NXPH1: variants seen among roughly 807,000 people sequenced by gnomAD.
The protein encoded by NXPH1 is neurexophilin 1.
NXPH1 carries 5 observed loss-of-function variants against 23.7 expected under a neutral mutation model. That is an observed-to-expected ratio of 0.21 (90% CI 0.11 to 0.44). The LOEUF (loss-of-function observed/expected upper bound fraction) is 0.44, where lower values mean the gene tolerates loss of function less well. NXPH1 is among the 20% of genes least tolerant of loss of function. The pLI is 0.99. For synonymous variants in NXPH1, 144 were observed against 122.2 expected (o/e 1.18, Z -1.18); for missense variants, 324 against 321.6 (o/e 1.01, Z -0.06).
intron 2 of NXPH1, among the ~76,000 whole-genome samples, chr7:8,663,410 C>G (rs1820710539): frequency 6.6e-6 from 1 of 151,976 alleles, no homozygotes; most frequent in South Asian, 2.1e-4. Context: ...TCTGCCTAGC[C>G]CCATTGTAGA....
chr7:8,611,783 T>A (rs555878843), intron 2 of NXPH1, among the ~76,000 whole-genome samples: 1 of 152,206 alleles, frequency 6.6e-6, no homozygotes, highest in African/African-American at 2.4e-5. Flanking sequence ...AGGTAGTAGG[T>A]GCATCTATCC....
At chr7:8,460,666 G>C (rs10246412) in intron 2 of NXPH1, among the ~76,000 whole-genome samples, 13,116 of 152,196 alleles carry the variant, frequency 0.086, 1,670 homozygotes, top group African/African-American at 0.28. Context: ...AGCCAACAGT[G>C]TTTTGAATGG....
chr7:8,446,458 T>C (rs1816405394), intron 2 of NXPH1, among the ~76,000 whole-genome samples: 1 of 152,244 alleles, frequency 6.6e-6, no homozygotes, highest in Admixed American at 6.5e-5. Context: ...TGCTTTATTA[T>C]TTTGCTTAAA....
intron 2 of NXPH1, among the ~76,000 whole-genome samples, chr7:8,697,125 T>A (rs1779540951): frequency 7.3e-6 from 1 of 136,308 alleles, no homozygotes. Flanking sequence ...GCCACTGCAC[T>A]CCAGTCTGGG....
At chr7:8,467,348 C>G (rs1333325625) in intron 2 of NXPH1, among the ~76,000 whole-genome samples, 1 of 152,148 alleles carries the variant, frequency 6.6e-6, no homozygotes, top group Non-Finnish European at 1.5e-5. Flanking sequence ...TTCTGGAATT[C>G]TCCCTAAGGT....
chr7:8,646,287 G>A (rs1013841669), intron 2 of NXPH1, among the ~76,000 whole-genome samples: 1 of 152,068 alleles, frequency 6.6e-6, no homozygotes, highest in Non-Finnish European at 1.5e-5. Context: ...AACTCTCCGT[G>A]AGTGGTAAAT....
intron 2 of NXPH1, among the ~76,000 whole-genome samples, chr7:8,447,701 G>A (rs1816429386): frequency 6.6e-6 from 1 of 152,248 alleles, no homozygotes; most frequent in South Asian, 2.1e-4. Flanking sequence ...GCCCTGAGGT[G>A]TTTAATCCTG....
At chr7:8,460,581 C>A (rs79636719) in intron 2 of NXPH1, among the ~76,000 whole-genome samples, 6,268 of 152,246 alleles carry the variant, frequency 0.041, 154 homozygotes, top group African/African-American at 0.059. Flanking sequence ...AGAAGGCTAT[C>A]TTTTACATTT....
At chr7:8,646,797 T>C (rs534558281) in intron 2 of NXPH1, among the ~76,000 whole-genome samples, 3 of 152,214 alleles carry the variant, frequency 2.0e-5, no homozygotes, top group African/African-American at 7.2e-5. Context: ...TTTATTTATG[T>C]TTATTATTTA....
chr7:8,684,723 G>A (rs984661724), intron 2 of NXPH1, among the ~76,000 whole-genome samples: 3 of 152,144 alleles, frequency 2.0e-5, no homozygotes, highest in African/African-American at 4.8e-5. Context: ...AAAATTTCAA[G>A]TCATTTCCTT....
At chr7:8,678,586 C>T (rs1820992462) in intron 2 of NXPH1, among the ~76,000 whole-genome samples, 2 of 152,088 alleles carry the variant, frequency 1.3e-5, no homozygotes, top group Non-Finnish European at 2.9e-5. Context: ...GGCACCCATC[C>T]TCTCGTGATC....
intron 2 of NXPH1, among the ~76,000 whole-genome samples, chr7:8,691,677 A>G (rs1167046066): frequency 1.3e-5 from 2 of 152,224 alleles, no homozygotes; most frequent in Non-Finnish European, 2.9e-5. Flanking sequence ...TAACTAATGT[A>G]TCTATTCATT....
intron 2 of NXPH1, among the ~76,000 whole-genome samples, chr7:8,669,187 G>A (rs546977517): frequency 6.6e-6 from 1 of 152,298 alleles, no homozygotes; most frequent in South Asian, 2.1e-4. Context: ...GCTGGGGCCA[G>A]CCCAAGACTG....
intron 2 of NXPH1, among the ~76,000 whole-genome samples, chr7:8,735,787 G>T (rs1341350534): frequency 2.6e-5 from 4 of 152,092 alleles, no homozygotes; most frequent in African/African-American, 9.7e-5. Context: ...TGGTTGGTAG[G>T]CTGTTAATTA....
At chr7:8,537,756 A>C (rs753852247) in intron 2 of NXPH1, among the ~76,000 whole-genome samples, 9 of 152,106 alleles carry the variant, frequency 5.9e-5, no homozygotes, top group Admixed American at 2.6e-4. Context: ...TTCATCTGAA[A>C]GATGAGGCAG....
At chr7:8,604,396 T>A (rs962895726) in intron 2 of NXPH1, among the ~76,000 whole-genome samples, 1 of 152,140 alleles carries the variant, frequency 6.6e-6, no homozygotes, top group Non-Finnish European at 1.5e-5. Context: ...TATAAGGTGT[T>A]ACAATGAGAA....
At chr7:8,663,684 A>G (rs1397763350) in intron 2 of NXPH1, among the ~76,000 whole-genome samples, 1 of 152,152 alleles carries the variant, frequency 6.6e-6, no homozygotes, top group Non-Finnish European at 1.5e-5. Context: ...TAAGAAGTAC[A>G]TTAATTACTT....
At chr7:8,734,744 C>A (rs890392215) in intron 2 of NXPH1, among the ~76,000 whole-genome samples, 3 of 152,044 alleles carry the variant, frequency 2.0e-5, no homozygotes, top group Non-Finnish European at 4.4e-5. Flanking sequence ...TCCTGAATAG[C>A]CTTGTTAATT....
chr7:8,686,717 G>A (rs1481181322), intron 2 of NXPH1, among the ~76,000 whole-genome samples: 1 of 152,086 alleles, frequency 6.6e-6, no homozygotes, highest in Non-Finnish European at 1.5e-5. Flanking sequence ...GTTAAATTAG[G>A]GGAGAGAGGA....
Sources: allele counts gnomAD v4.1 joint callset (sites outside exome capture counted in the v4.1 genomes callset), GRCh38; gene constraint gnomAD v4.1.1; transcripts MANE v1.5; gene names NCBI Gene and HGNC (gene_info 2026-07-23, HGNC 2026-07-21).